TTC12: variants seen among roughly 807,000 people sequenced by gnomAD.
TTC12 encodes tetratricopeptide repeat domain 12.
Under a neutral mutation model 90.1 loss-of-function variants are expected in TTC12, and 70 were observed. The observed-to-expected ratio is 0.78, with a 90% confidence interval of 0.64 to 0.95. The LOEUF is 0.95. TTC12 is among the 40% of genes least tolerant of loss of function. TTC12 has a pLI of 0.00. For missense variants in TTC12, 819 were observed against 846.1 expected (o/e 0.97, Z 0.40); for synonymous variants, 296 against 311.5 (o/e 0.95, Z 0.53).
chr11:113,338,594 C>T (rs2137985182), intron 8 of TTC12, among the ~76,000 whole-genome samples, 180 bp from the exon 9 acceptor site: 1 of 152,332 alleles, frequency 6.6e-6, no homozygotes, highest in African/African-American at 2.4e-5. Flanking sequence ...CCCCCTAGAA[C>T]TGGAGACGCC....
At position 113,324,677 on chromosome 11, in the gene TTC12, C is replaced by T. The variant is rs145843861; in HGVS notation, c.317C>T (p.Ala106Val). 8.6e-5 allele frequency: 139 copies of T among 1,613,278 alleles called. No homozygotes were observed. The highest frequency in any genetic ancestry group is 1.1e-4 in the Non-Finnish European group (131 of 1,179,674). The change falls in exon 5 of 22, where the codon GCG becomes GTG. Residue 106 changes from alanine (A) to valine (V), a missense_variant. Coordinates refer to ENST00000529221, the MANE Select transcript of TTC12 (RefSeq NM_017868.4). ...AKRRRENKVL[A>V]DALKEKGNEA... Reference sequence around the variant, plus strand: ...AGAAGAAGGGAAAACAAAGTCTTGGCGGATGGTAATTGTCAGTCCTTACTT... The same window carrying T: ...AGAAGAAGGGAAAACAAAGTCTTGGTGGATGGTAATTGTCAGTCCTTACTT...
chr11:113,349,064 A>G (rs963282573), intron 13 of TTC12, among the ~76,000 whole-genome samples: 3 of 152,226 alleles, frequency 2.0e-5, no homozygotes, highest in Non-Finnish European at 4.4e-5. Context: ...TTTCATCATT[A>G]TGACCTCAGA....
chr11:113,346,189 A>C (rs1419887863), intron 13 of TTC12, among the ~76,000 whole-genome samples: 5 of 152,148 alleles, frequency 3.3e-5, no homozygotes, highest in African/African-American at 1.2e-4. Context: ...TTTTGTAAAA[A>C]GTGCTGGGTT....
chr11:113,347,159 C>T (rs1407675610), intron 13 of TTC12, among the ~76,000 whole-genome samples: 2 of 152,066 alleles, frequency 1.3e-5, no homozygotes, highest in Admixed American at 6.6e-5. Flanking sequence ...TCTTCAAGAC[C>T]GAAGAAAATA....
chr11:113,319,959 A>G (rs1274427307), intron 2 of TTC12, among the ~76,000 whole-genome samples: 1 of 152,214 alleles, frequency 6.6e-6, no homozygotes, highest in African/African-American at 2.4e-5. Context: ...ACACCATAAG[A>G]GAGTATATTT....
intron 5 of TTC12, 140 bp from the exon 6 acceptor site, chr11:113,325,384 G>GA (rs1345758968): frequency 1.6e-5 from 15 of 957,208 alleles, no homozygotes; most frequent in Middle Eastern, 4.4e-4. Flanking sequence ...AGTATCTGCA[G>GA]AAAAAAACAA....
At chr11:113,329,645 T>C (rs782629184) in intron 6 of TTC12, 2 of 544,810 alleles carry the variant, frequency 3.7e-6, no homozygotes, top group South Asian at 1.5e-5. Context: ...ATTACAGCAG[T>C]GGTAATGGCT....
At chr11:113,324,055 A>G (rs782684961) in intron 4 of TTC12, 40 bp downstream of exon 4, 2 of 1,557,634 alleles carry the variant, frequency 1.3e-6, no homozygotes, top group East Asian at 2.2e-5. Flanking sequence ...CATTCTTTAT[A>G]TAGGACCAGT....
intron 7 of TTC12, among the ~76,000 whole-genome samples, chr11:113,330,792 GAA>G (rs1459881853): frequency 1.1e-4 from 17 of 152,134 alleles, no homozygotes; most frequent in African/African-American, 4.1e-4. Flanking sequence ...TGTTTTACCT[GAA>G]AAACCTTGTT....
downstream of TTC12, chr11:113,368,776 A>G: frequency 6.0e-6 from 3 of 499,122 alleles, no homozygotes; most frequent in Admixed American, 1.1e-4. Flanking sequence ...GGCTTGGAGA[A>G]CTGAGGGGAA....
chr11:113,357,306 C>G (rs939256642), intron 16 of TTC12, among the ~76,000 whole-genome samples: 2 of 151,930 alleles, frequency 1.3e-5, no homozygotes, highest in Non-Finnish European at 1.5e-5. Flanking sequence ...CTGTACTGAC[C>G]ATTTTCTCTG....
At chr11:113,319,573 T>C (rs1423184116) in intron 2 of TTC12, among the ~76,000 whole-genome samples, 1 of 152,062 alleles carries the variant, frequency 6.6e-6, no homozygotes, top group Non-Finnish European at 1.5e-5. Context: ...GTAAATACAA[T>C]TTAGATCAAA....
At chr11:113,338,445 A>G (rs1948497491) in intron 8 of TTC12, among the ~76,000 whole-genome samples, 1 of 152,188 alleles carries the variant, frequency 6.6e-6, no homozygotes, top group Non-Finnish European at 1.5e-5. Flanking sequence ...CTCAGTGCAA[A>G]TATCATATCT....
At chr11:113,335,726 G>A (rs1555143842) in intron 8 of TTC12, among the ~76,000 whole-genome samples, 1 of 152,078 alleles carries the variant, frequency 6.6e-6, no homozygotes, top group East Asian at 1.9e-4. Flanking sequence ...ATGTTTGCCT[G>A]GTACATTTTT....
chr11:113,337,548 G>T (rs1366783456), intron 8 of TTC12, among the ~76,000 whole-genome samples: 1 of 152,144 alleles, frequency 6.6e-6, no homozygotes, highest in African/African-American at 2.4e-5. Context: ...GAGAGCAACA[G>T]GAGATGAGGT....
At chr11:113,350,203 C>A in intron 14 of TTC12, 38 bp downstream of exon 14, 1 of 1,455,398 alleles carries the variant, frequency 6.9e-7, no homozygotes, top group Non-Finnish European at 9.6e-7. Flanking sequence ...ATTTCTTCTT[C>A]AGTCTTTGTT....
downstream of TTC12, chr11:113,368,439 C>T (rs1179034970): frequency 4.5e-6 from 7 of 1,550,472 alleles, no homozygotes; most frequent in Non-Finnish European, 6.1e-6. Context: ...CCCGACACCA[C>T]CCTTGGAGAC....
In TTC12 at chr11:113,373,222, C is replaced by G. The variant is rs564580108; in HGVS notation, c.*219C>G. On this transcript the variant is annotated 3_prime_UTR_variant, in exon 22 of 22. Coordinates refer to the TTC12 transcript ENST00000314756. ...CACATGCAACTGTCCCCAACCCATG[C>G]GATTCATCCTTTCCCTGAAGGCTTG... 3.0e-6 allele frequency: 3 copies of G among 985,220 alleles called. No individual in the cohort carries two copies. The East Asian group carries it at 3.4e-4, about 112-fold the overall frequency. 61.0% of individuals were successfully genotyped at this position (985,220 alleles called of 1,614,324 possible).
Position 113,359,389 on chromosome 11 carries a change from G to T in TTC12, c.1473G>T (p.Leu491=). Reference sequence around the variant, plus strand: ...CCAGGTGTGAGGAGGATGTGGACCTGTTCAGAGAGGTTATCTACACACTCC... The same window carrying T: ...CCAGGTGTGAGGAGGATGTGGACCTTTTCAGAGAGGTTATCTACACACTCC... ...LLARCEEDVD[L]FREVIYTLLG... The change falls in exon 17 of 22, where the codon CTG becomes CTT. Residue 491 remains leucine (L), a synonymous_variant. Transcript: ENST00000529221. The T allele has an allele frequency of 4.3e-6, 7 of 1,612,782 alleles. No homozygotes were observed. The highest frequency in any genetic ancestry group is 5.9e-6 in the Non-Finnish European group (7 of 1,178,928).
Sources: allele counts gnomAD v4.1 joint callset (sites outside exome capture counted in the v4.1 genomes callset), GRCh38; gene constraint gnomAD v4.1.1; transcripts MANE v1.5; gene names NCBI Gene and HGNC (gene_info 2026-07-23, HGNC 2026-07-21).